The following RHCG variants were observed in gnomAD, a reference collection of about 807,000 sequenced individuals.
RHCG encodes Rh family C glycoprotein.
In RHCG, 39 loss-of-function variants were observed where a neutral mutation model predicts 55.3. The observed-to-expected ratio is 0.70, with a 90% confidence interval of 0.55 to 0.92. RHCG has a LOEUF of 0.92. Ranked by LOEUF, RHCG falls within the 40% of genes least tolerant of loss-of-function variation. The probability of loss-of-function intolerance (pLI) is 0.00; values close to 1 mark genes in which losing one functional copy is unlikely to be tolerated. For synonymous variants in RHCG, 250 were observed against 246.8 expected, an observed-to-expected ratio of 1.01 and a Z score of -0.12; for missense variants, 635 against 627.9, an observed-to-expected ratio of 1.01 and a Z score of -0.12.
chr15:89,476,674 G>T, intron 9 of RHCG, 81 bp downstream of exon 9: 1 of 1,224,870 alleles, frequency 8.2e-7, no homozygotes, highest in Non-Finnish European at 1.2e-6. Context: ...TGGGTCCCCA[G>T]GCCCCAGCCC....
chr15:89,477,382 G>A lies in RHCG; in HGVS notation c.1112+135C>T. ...CTAAGGGACAGAGTTTGGGGAGAGA[G>A]ACCCATGAAACAATTGGTCCAGAGT... On this transcript the variant is annotated intron_variant, in intron 7 of 10. Coordinates refer to ENST00000268122, the MANE Select transcript of RHCG (RefSeq NM_016321.3). This position sits in a 1 kb window ranked among gnomAD's most constrained non-coding sequence, Gnocchi z 4.5. The A allele has an allele frequency of 7.1e-7, 1 of 1,403,468 alleles. No homozygotes were observed. Among genetic ancestry groups the A allele is most frequent in the Non-Finnish European group, 9.7e-7 (1 of 1,030,612 alleles). The allele number at this position is 1,403,468 out of a possible 1,614,324, so 86.9% of individuals were successfully genotyped here.
In RHCG at chr15:89,483,265, G is replaced by C. The variant is rs1403229867; in HGVS notation, c.372-48C>G. On this transcript the variant is annotated intron_variant, in intron 2 of 10. Coordinates refer to ENST00000268122, the MANE Select transcript of RHCG (RefSeq NM_016321.3). ...AGAAGCTGGGGCAATAGCAAAAAGT[G>C]GCACTGGAGGCCCTGGACTTTGGTC... 18 of 1,458,286 alleles carry C rather than the reference G, an allele frequency of 1.2e-5. No individual in the cohort carries two copies. The East Asian group carries it at 3.6e-4, about 29-fold the overall frequency. The allele number at this position is 1,458,286 out of a possible 1,614,324, so 90.3% of individuals were successfully genotyped here. A position where few individuals can be genotyped will look rare whatever the true frequency, so the allele number is the denominator to read the frequency against.
chr15:89,479,712 C>A, intron 4 of RHCG: 1 of 554,144 alleles, frequency 1.8e-6, no homozygotes, highest in Non-Finnish European at 3.2e-6. Flanking sequence ...TACCCTGACC[C>A]CCATTTCTGG....
chr15:89,479,518 C>A (rs373540035), intron 4 of RHCG, 30 bp from the exon 5 acceptor site: 2 of 1,584,134 alleles, frequency 1.3e-6, no homozygotes, highest in African/African-American at 2.7e-5. Context: ...CCAATGGGCC[C>A]GGGAGGAGAG....
intron 10 of RHCG, among the ~76,000 whole-genome samples, 154 bp downstream of exon 10, chr15:89,472,556 AC>A (rs1961057910): frequency 6.6e-6 from 1 of 152,040 alleles, no homozygotes; most frequent in Admixed American, 6.5e-5. Flanking sequence ...TCCCCTGCCA[AC>A]CCCATGTGCC....
chr15:89,476,203 A>G (rs945457907), intron 9 of RHCG, among the ~76,000 whole-genome samples: 10 of 152,098 alleles, frequency 6.6e-5, no homozygotes, highest in Non-Finnish European at 1.3e-4. Flanking sequence ...AGTAGCTGGC[A>G]CTACAGACGC....
intron 1 of RHCG, among the ~76,000 whole-genome samples, chr15:89,491,024 G>A (rs541715303): frequency 2.6e-5 from 4 of 152,302 alleles, no homozygotes; most frequent in South Asian, 2.1e-4. Flanking sequence ...CAGCATCACC[G>A]CAAGTGGGGT....
intron 1 of RHCG, among the ~76,000 whole-genome samples, chr15:89,493,760 T>G (rs1160143594): frequency 1.3e-5 from 2 of 152,078 alleles, no homozygotes; most frequent in African/African-American, 2.4e-5. Context: ...GCCAGGAGTG[T>G]GGGCTCAGAC....
At position 89,477,418 on chromosome 15, in the gene RHCG, A is replaced by G; in HGVS notation, c.1112+99T>C. 1 of 1,519,256 alleles carries G rather than the reference A, an allele frequency of 6.6e-7. No individual in the cohort carries two copies. The highest frequency in any genetic ancestry group is 8.9e-7 in the Non-Finnish European group (1 of 1,121,584). 94.1% of individuals were successfully genotyped at this position (1,519,256 alleles called of 1,614,324 possible). A position where few individuals can be genotyped will look rare whatever the true frequency, so the allele number is the denominator to read the frequency against. Reference sequence around the variant, plus strand: ...CAATTGGTCCAGAGTGGGGAAGGAAAGGGAGAAAGATGCAGTCGGGTCCCA... The same window carrying G: ...CAATTGGTCCAGAGTGGGGAAGGAAGGGGAGAAAGATGCAGTCGGGTCCCA... On this transcript the variant is annotated intron_variant, in intron 7 of 10. Coordinates refer to ENST00000268122, the MANE Select transcript of RHCG (RefSeq NM_016321.3). The surrounding 1 kb of genome is among the most constrained non-coding windows in gnomAD (Gnocchi z 4.5).
At chr15:89,476,104 T>C (rs921280735) in intron 9 of RHCG, among the ~76,000 whole-genome samples, 18 of 150,392 alleles carry the variant, frequency 1.2e-4, no homozygotes, top group African/African-American at 4.4e-4. Flanking sequence ...TCTTGCTCTA[T>C]TGCCCAGGCT....
chr15:89,483,160 C>G lies in RHCG; in HGVS notation c.429G>C (p.Leu143=). 6.2e-7 allele frequency: 1 copy of G among 1,602,766 alleles called. No homozygotes were observed. The highest frequency in any genetic ancestry group is 8.5e-7 in the Non-Finnish European group (1 of 1,170,754). Residue 143 remains leucine (L), a synonymous_variant, in exon 3 of 11, where the codon CTG becomes CTC. Transcript: ENST00000268122. ...ASVCVAFGAV[L]GKVSPIQLLI... ...GCAGCTGAATGGGGCTGACTTTACCCAGAACTGCCCCAAAGGCCACGCAGA... is the reference window on the plus strand; with the variant it reads ...GCAGCTGAATGGGGCTGACTTTACCGAGAACTGCCCCAAAGGCCACGCAGA...
At position 89,486,909 on chromosome 15, in the gene RHCG, G is replaced by A. The variant is rs1394965450; in HGVS notation, c.261C>T (p.Ser87=). The change falls in exon 2 of 11, where the codon AGC becomes AGT. Residue 87 remains serine, a synonymous_variant. Transcript: ENST00000268122. ...LMTFLQRYGF[S]AVGFNFLLAA... is the part of the protein sequence containing the mutation. ...CCAACAGGAAGTTGAAGCCCACGGCGCTGAAGCCGTAGCGCTGCAGGAAAG... is the reference window on the plus strand; with the variant it reads ...CCAACAGGAAGTTGAAGCCCACGGCACTGAAGCCGTAGCGCTGCAGGAAAG... 1 of 1,613,080 alleles carries A rather than the reference G, an allele frequency of 6.2e-7. No individual in the cohort carries two copies.
intron 3 of RHCG, among the ~76,000 whole-genome samples, 175 bp from the exon 4 acceptor site, chr15:89,480,583 A>G (rs1235015303): frequency 6.6e-6 from 1 of 152,192 alleles, no homozygotes; most frequent in African/African-American, 2.4e-5. Flanking sequence ...GGGAGAAGGT[A>G]GGGATTCCCA....
Position 89,476,843 on chromosome 15 carries a change from A to T in RHCG, c.1238-15T>A. 2 of 1,610,424 alleles carry T rather than the reference A, an allele frequency of 1.2e-6. No individual in the cohort carries two copies. The highest frequency in any genetic ancestry group is 1.7e-6 in the Non-Finnish European group (2 of 1,176,632). ...CAAAATGAGCCCTACAGAAAGTTGG[A>T]GATTACAGGATGTCAGGAAGTGCCT... is the stretch of plus-strand genomic sequence containing the variant. On this transcript the variant is annotated splice_polypyrimidine_tract_variant and intron_variant, in intron 8 of 10. Coordinates refer to ENST00000268122, the MANE Select transcript of RHCG (RefSeq NM_016321.3).
chr15:89,485,783 A>G (rs1961347610), intron 2 of RHCG, among the ~76,000 whole-genome samples: 1 of 152,234 alleles, frequency 6.6e-6, no homozygotes. Context: ...ATAAACTAAA[A>G]CTTGGCTAAA....
At chr15:89,488,934 C>G (rs1961423412) in intron 1 of RHCG, among the ~76,000 whole-genome samples, 1 of 152,142 alleles carries the variant, frequency 6.6e-6, no homozygotes, top group African/African-American at 2.4e-5. Flanking sequence ...GAATATCCCC[C>G]TTCTTAGGAA....
At chr15:89,489,380 T>C (rs1961432966) in intron 1 of RHCG, among the ~76,000 whole-genome samples, 1 of 152,124 alleles carries the variant, frequency 6.6e-6, no homozygotes, top group Non-Finnish European at 1.5e-5. Context: ...CATCTTGGGC[T>C]CCCAGAGTGC....
chr15:89,478,221 T>C (rs1293251519), intron 5 of RHCG, among the ~76,000 whole-genome samples: 1 of 152,244 alleles, frequency 6.6e-6, no homozygotes, highest in Admixed American at 6.5e-5. Context: ...GCATTTTCCA[T>C]GTGCTGGTGC....
intron 9 of RHCG, among the ~76,000 whole-genome samples, chr15:89,475,449 T>C (rs1961130611): frequency 6.6e-6 from 1 of 152,190 alleles, no homozygotes; most frequent in Non-Finnish European, 1.5e-5. Flanking sequence ...TTTTGCCATG[T>C]TGGCTAGGCT....
Sources: allele counts gnomAD v4.1 joint callset (sites outside exome capture counted in the v4.1 genomes callset), GRCh38; gene constraint gnomAD v4.1.1; non-coding constraint Gnocchi (gnomAD v3.1); transcripts MANE v1.5; gene names NCBI Gene and HGNC (gene_info 2026-07-23, HGNC 2026-07-21).